The following ARL15 variants were observed in gnomAD, a reference collection of about 807,000 sequenced individuals.
ARL15 encodes the protein ADP-ribosylation factor-like protein 15.
A neutral mutation model predicts 25.2 loss-of-function variants in ARL15; 19 were observed. That is an observed-to-expected ratio of 0.75 (90% CI 0.53 to 1.10). The LOEUF is 1.10. ARL15 is among the 50% of genes least tolerant of loss of function. The pLI, the probability that ARL15 is intolerant of heterozygous loss-of-function variation, is 0.00. For missense variants in ARL15, 220 were observed against 246.0 expected (o/e 0.89, Z 0.71); for synonymous variants, 94 against 86.8 (o/e 1.08, Z -0.46).
At chr5:54,154,451 T>A in intron 3 of ARL15, 129 bp downstream of exon 3, 1 of 622,484 alleles carries the variant, frequency 1.6e-6, no homozygotes, top group Non-Finnish European at 2.7e-6. Context: ...TTCTAGGAAA[T>A]ATATTATCAA....
intron 4 of ARL15, among the ~76,000 whole-genome samples, chr5:53,994,059 A>T (rs1378890534): frequency 1.3e-5 from 2 of 152,218 alleles, no homozygotes. Context: ...GACTGGAATA[A>T]CCACGTTGAT....
intron 4 of ARL15, among the ~76,000 whole-genome samples, chr5:53,961,580 C>G (rs1321582178): frequency 1.3e-5 from 2 of 151,114 alleles, no homozygotes; most frequent in East Asian, 3.9e-4. Flanking sequence ...ATGCAAAAAC[C>G]ACTTTTAAAA....
At chr5:54,123,741 T>G (rs911306657) in intron 3 of ARL15, among the ~76,000 whole-genome samples, 1 of 152,188 alleles carries the variant, frequency 6.6e-6, no homozygotes, top group Non-Finnish European at 1.5e-5. Flanking sequence ...ATCATATCAC[T>G]AAATCAGTCA....
At chr5:54,105,457 A>C (rs1281540058) in intron 4 of ARL15, among the ~76,000 whole-genome samples, 25 of 152,240 alleles carry the variant, frequency 1.6e-4, no homozygotes, top group Admixed American at 1.6e-3. Context: ...CTCTAACTTT[A>C]CTAGTTATGA....
intron 4 of ARL15, among the ~76,000 whole-genome samples, chr5:54,091,949 G>A (rs1752140015): frequency 6.6e-6 from 1 of 152,006 alleles, no homozygotes; most frequent in Non-Finnish European, 1.5e-5. Flanking sequence ...AGGGATTCTG[G>A]AAAATGAGAC....
intron 4 of ARL15, among the ~76,000 whole-genome samples, chr5:54,070,611 T>G (rs140338365): frequency 0.099 from 14,960 of 151,866 alleles, 967 homozygotes; most frequent in Non-Finnish European, 0.15. Context: ...GAGGCTGAGG[T>G]GGGTAGATCA....
At chr5:54,078,234 C>G (rs894069868) in intron 4 of ARL15, among the ~76,000 whole-genome samples, 1 of 152,126 alleles carries the variant, frequency 6.6e-6, no homozygotes, top group Non-Finnish European at 1.5e-5. Context: ...ACATTGTAAT[C>G]AACTGAAAAC....
chr5:54,302,794 G>A (rs1758650043), intron 1 of ARL15, among the ~76,000 whole-genome samples: 1 of 139,776 alleles, frequency 7.2e-6, no homozygotes, highest in Non-Finnish European at 1.5e-5. Context: ...AGCCAGCCCT[G>A]CTAAAAGTAG....
intron 4 of ARL15, among the ~76,000 whole-genome samples, chr5:53,920,982 G>C (rs1406796095): frequency 6.6e-6 from 1 of 152,138 alleles, no homozygotes; most frequent in Non-Finnish European, 1.5e-5. Flanking sequence ...CAAGGACCTA[G>C]AGGAGAGCAG....
chr5:54,218,717 G>T (rs1032319321), intron 1 of ARL15, among the ~76,000 whole-genome samples: 1 of 152,126 alleles, frequency 6.6e-6, no homozygotes, highest in Non-Finnish European at 1.5e-5. Context: ...GGCATCACCA[G>T]CAGGAAGAGC....
At position 53,963,844 on chromosome 5, in the gene ARL15, CACACAT is replaced by C. The variant is rs1388282505; in HGVS notation, c.463-77137_463-77132del. Among the ~76,000 whole-genome samples, 268 of 149,156 alleles carry C rather than the reference CACACAT, an allele frequency of 1.8e-3. 1 individual carries two copies. Among genetic ancestry groups the C allele is most frequent in the African/African-American group, 6.5e-3 (260 of 40,276 alleles). Reference sequence around the variant, plus strand: ...ACACACACACACACACACACACACACACACATACACAGAGTAACTTGAATATTTTAC... The same window carrying C: ...ACACACACACACACACACACACACACACACAGAGTAACTTGAATATTTTAC... On this transcript the variant is annotated intron_variant, in intron 4 of 4. Coordinates refer to ENST00000504924, the MANE Select transcript of ARL15 (RefSeq NM_019087.3).
chr5:53,966,406 GT>G (rs1455249128), intron 4 of ARL15, among the ~76,000 whole-genome samples: 1 of 152,142 alleles, frequency 6.6e-6, no homozygotes, highest in East Asian at 1.9e-4. Context: ...TAATAAAGCG[GT>G]AAATGTAAGT....
Position 54,171,945 on chromosome 5 carries a change from A to G in ARL15, c.49-17T>C, listed in dbSNP as rs776894397. On this transcript the variant is annotated splice_polypyrimidine_tract_variant and intron_variant, in intron 1 of 4. Transcript: ENST00000504924. ...TCTAAAACACTGCCAAAAGAAGGGG[A>G]AAAAAATGTTCCTTTAAATGACAGT... 31 of 1,600,770 alleles carry G rather than the reference A, an allele frequency of 1.9e-5. No individual in the cohort carries two copies. Among genetic ancestry groups the G allele is most frequent in the African/African-American group, 1.9e-4 (14 of 74,600 alleles).
intron 1 of ARL15, among the ~76,000 whole-genome samples, chr5:54,296,238 C>T (rs555708567): frequency 6.6e-6 from 1 of 152,184 alleles, no homozygotes; most frequent in Non-Finnish European, 1.5e-5. Flanking sequence ...CGAAATGGAG[C>T]AAAATCTTTT....
rs992202335 is a variant in ARL15 at position 53,886,383 on chromosome 5, C to T, written c.*178G>A. On this transcript the variant is annotated 3_prime_UTR_variant, in exon 5 of 5. Transcript: ENST00000504924. ...AGTAGTGTGTACTTGACGTTAATGC[C>T]GATGATAATTCATCTGATCTACAGA... is the stretch of plus-strand genomic sequence containing the variant. 11 of 644,662 alleles carry T rather than the reference C, an allele frequency of 1.7e-5. No homozygotes were observed. Among genetic ancestry groups the T allele is most frequent in the Non-Finnish European group, 2.5e-5 (10 of 392,750 alleles). 39.9% of individuals were successfully genotyped at this position (644,662 alleles called of 1,614,324 possible). A position where few individuals can be genotyped will look rare whatever the true frequency, so the allele number is the denominator to read the frequency against.
intron 4 of ARL15, among the ~76,000 whole-genome samples, chr5:53,954,460 GCCCAATT>G (rs1338713710): frequency 6.6e-6 from 1 of 152,096 alleles, no homozygotes; most frequent in Non-Finnish European, 1.5e-5. Context: ...ATGTTCCATA[GCCCAATT>G]CCTCACTGGA....
chr5:54,304,943 T>C (rs1561302499), intron 1 of ARL15, among the ~76,000 whole-genome samples: 1 of 152,180 alleles, frequency 6.6e-6, no homozygotes, highest in Non-Finnish European at 1.5e-5. Context: ...AGTAGGATCC[T>C]TTACAATTTC....
At chr5:54,014,819 T>C (rs1579700596) in intron 4 of ARL15, among the ~76,000 whole-genome samples, 1 of 152,088 alleles carries the variant, frequency 6.6e-6, no homozygotes, top group South Asian at 2.1e-4. Context: ...TATATAAGCT[T>C]CTGAGCTCCT....
At chr5:53,995,672 T>C (rs1748646119) in intron 4 of ARL15, among the ~76,000 whole-genome samples, 1 of 152,228 alleles carries the variant, frequency 6.6e-6, no homozygotes, top group Non-Finnish European at 1.5e-5. Context: ...ATTAAAATGC[T>C]CAGTGTTTCA....
Sources: gnomAD v4.1 joint callset for allele counts (sites outside exome capture counted in the v4.1 genomes callset) on GRCh38, gnomAD v4.1.1 for gene constraint, MANE v1.5 for transcripts, NCBI Gene and HGNC (gene_info 2026-07-23, HGNC 2026-07-21) for gene names.